Variants in ABCB1 observed in about 807,000 individuals in gnomAD.
The protein encoded by ABCB1 is ATP-dependent translocase ABCB1.
Under a neutral mutation model 142.0 loss-of-function variants are expected in ABCB1, and 69 were observed. That is an observed-to-expected ratio of 0.49 (90% CI 0.40 to 0.59). The LOEUF is 0.59. Among genes scored for constraint, ABCB1 ranks in the 20% least tolerant of loss-of-function variants. The pLI, the probability that ABCB1 is intolerant of heterozygous loss-of-function variation, is 0.00. For missense variants in ABCB1, 1,326 were observed against 1,554.7 expected (o/e 0.85, Z 2.47); for synonymous variants, 532 against 539.2 (o/e 0.99, Z 0.18).
At chr7:87,546,252 G>A (rs1048543027) in intron 14 of ABCB1, among the ~76,000 whole-genome samples, 2 of 152,180 alleles carry the variant, frequency 1.3e-5, no homozygotes, top group African/African-American at 4.8e-5. Context: ...TTAATATTAT[G>A]TAAGCCCCCA....
At chr7:87,571,235 G>A (rs1394421319) in intron 4 of ABCB1, among the ~76,000 whole-genome samples, 1 of 152,226 alleles carries the variant, frequency 6.6e-6, no homozygotes, top group Admixed American at 6.5e-5. Context: ...GAATGGGTAA[G>A]CCTGTTTTTG....
chr7:87,554,054 G>A lies in ABCB1; in HGVS notation c.828-122C>T. 3.4e-6 allele frequency: 3 copies of A among 871,134 alleles called. No individual in the cohort carries two copies. In the South Asian group the frequency reaches 4.3e-5, roughly 12 times the overall value. The allele number at this position is 871,134 out of a possible 1,614,324, so 54.0% of individuals were successfully genotyped here. A position where few individuals can be genotyped will look rare whatever the true frequency, so the allele number is the denominator to read the frequency against. On this transcript the variant is annotated intron_variant, in intron 8 of 27. Transcript: ENST00000622132. Reference sequence around the variant, plus strand: ...TGATATACATGCATTTTGTCCTGCTGCTCATACATTGACCCTATATAGTAG... The same window carrying A: ...TGATATACATGCATTTTGTCCTGCTACTCATACATTGACCCTATATAGTAG...
chr7:87,624,141 G>GA (rs775795694), intron 1 of ABCB1, among the ~76,000 whole-genome samples: 3 of 152,142 alleles, frequency 2.0e-5, no homozygotes, highest in Non-Finnish European at 4.4e-5. Flanking sequence ...TTGTGGATTT[G>GA]AAAAAATTTA....
chr7:87,668,681 G>C (rs778765881), intron 1 of ABCB1, among the ~76,000 whole-genome samples: 1 of 151,510 alleles, frequency 6.6e-6, no homozygotes. Context: ...TTGTATTTTT[G>C]TTCTCATTAT....
chr7:87,652,621 G>GAGATATATATATAT (rs374832268), intron 1 of ABCB1, among the ~76,000 whole-genome samples: 3 of 125,412 alleles, frequency 2.4e-5, no homozygotes, highest in African/African-American at 1.0e-4. Context: ...TGTGGTCACT[G>GAGATATATATATAT]ATATATATAT....
intron 1 of ABCB1, among the ~76,000 whole-genome samples, chr7:87,649,981 A>G (rs1352434221): frequency 6.6e-6 from 1 of 152,184 alleles, no homozygotes; most frequent in Non-Finnish European, 1.5e-5. Flanking sequence ...CAGTGAGTCA[A>G]TTAAATCTCT....
At position 87,531,420 on chromosome 7, in the gene ABCB1, A is replaced by G. The variant is rs772374336; in HGVS notation, c.2559T>C (p.Tyr853=). Residue 853 remains tyrosine (Y), a synonymous_variant, in exon 21 of 28, where the codon TAT becomes TAC. Coordinates refer to ENST00000622132, the MANE Select transcript of ABCB1 (RefSeq NM_001348946.2). ...LGTGIIISFI[Y]GWQLTLLLLA... is the part of the protein sequence containing the mutation. Reference sequence around the variant, plus strand: ...AGAGTAACAGTGTTAGTTGCCAACCATAGATGAAGGATATAATTATTCCTG... The same window carrying G: ...AGAGTAACAGTGTTAGTTGCCAACCGTAGATGAAGGATATAATTATTCCTG... 3.7e-5 allele frequency: 60 copies of G among 1,613,510 alleles called. No individual in the cohort carries two copies. The highest frequency in any genetic ancestry group is 8.3e-5 in the Admixed American group (5 of 59,962).
intron 8 of ABCB1, among the ~76,000 whole-genome samples, chr7:87,555,646 A>G (rs1479709805): frequency 6.6e-6 from 1 of 152,172 alleles, no homozygotes; most frequent in Non-Finnish European, 1.5e-5. Flanking sequence ...ACCCCCCAAA[A>G]TGTAAATCCT....
chr7:87,659,383 T>C (rs1431888274), intron 1 of ABCB1, among the ~76,000 whole-genome samples: 1 of 152,200 alleles, frequency 6.6e-6, no homozygotes, highest in East Asian at 1.9e-4. Context: ...TATCTCTTTA[T>C]ATAGATTTTT....
intron 1 of ABCB1, among the ~76,000 whole-genome samples, chr7:87,644,751 C>CTT (rs1300856565): frequency 6.6e-6 from 1 of 151,020 alleles, no homozygotes; most frequent in Non-Finnish European, 1.5e-5. Context: ...CTTATTCTCT[C>CTT]TGTGTATATA....
Position 87,561,263 on chromosome 7 carries a change from C to T in ABCB1, c.827G>A (p.Arg276Lys). The T allele has an allele frequency of 1.2e-6, 2 of 1,613,548 alleles. No individual in the cohort carries two copies. Among genetic ancestry groups the T allele is most frequent in the Non-Finnish European group, 1.7e-6 (2 of 1,179,776 alleles). The change falls in exon 8 of 28, where the codon AGG (arginine) becomes AAG (lysine). Residue 276 changes from arginine (R) to lysine (K), a missense_variant and splice_region_variant. Physicochemically the swap from Arg to Lys is conservative, Grantham distance 26. Transcript: ENST00000622132. Reference protein sequence around the residue: ...AFGGQKKELERYNKNLEEAKR... With the variant: ...AFGGQKKELEKYNKNLEEAKR... ...ATCCATTTAAAAAAGAAACTCAAACCTTTCAAGTTCTTTCTTTTGTCCTCC... is the reference window on the plus strand; with the variant it reads ...ATCCATTTAAAAAAGAAACTCAAACTTTTCAAGTTCTTTCTTTTGTCCTCC...
intron 1 of ABCB1, among the ~76,000 whole-genome samples, chr7:87,683,831 C>A (rs1827177811): frequency 6.6e-6 from 1 of 152,142 alleles, no homozygotes; most frequent in Non-Finnish European, 1.5e-5. Flanking sequence ...TTGACACAAA[C>A]CTTCAACGTG....
Position 87,609,753 on chromosome 7 carries a change from A to C in ABCB1, c.-330-8675T>G, listed in dbSNP as rs28381781. 3.6e-3 allele frequency among the ~76,000 whole-genome samples: 548 copies of C among 152,268 alleles called. 6 individuals carry two copies. In the East Asian group the frequency reaches 0.05, roughly 14 times the overall value. ...ATCTAGCAGAAGGGCTGTAGGTCCTAGAGTACATTTTATCTACTTGCCTTA... is the reference window on the plus strand; with the variant it reads ...ATCTAGCAGAAGGGCTGTAGGTCCTCGAGTACATTTTATCTACTTGCCTTA... On this transcript the variant is annotated intron_variant, in intron 1 of 28. Transcript: ENST00000265724.
intron 4 of ABCB1, among the ~76,000 whole-genome samples, chr7:87,575,740 C>T (rs1157906812): frequency 1.3e-5 from 2 of 152,166 alleles, no homozygotes; most frequent in African/African-American, 4.8e-5. Context: ...CCAGGAACTA[C>T]AGTCTTTTTA....
chr7:87,599,901 GAA>G (rs919386168), intron 2 of ABCB1, among the ~76,000 whole-genome samples: 6 of 152,156 alleles, frequency 3.9e-5, no homozygotes, highest in African/African-American at 1.2e-4. Flanking sequence ...ATCATTAAAA[GAA>G]AGAACAAAAA....
At chr7:87,684,385 A>C (rs889543105) in intron 1 of ABCB1, among the ~76,000 whole-genome samples, 1 of 152,224 alleles carries the variant, frequency 6.6e-6, no homozygotes, top group Admixed American at 6.5e-5. Context: ...AATTTCATGA[A>C]GGAAGAACTA....
At chr7:87,548,944 T>C (rs1184495435) in intron 14 of ABCB1, among the ~76,000 whole-genome samples, 1 of 152,172 alleles carries the variant, frequency 6.6e-6, no homozygotes, top group Non-Finnish European at 1.5e-5. Context: ...AAATTATATA[T>C]GGACCTTCAG....
At chr7:87,558,234 A>G (rs1817389753) in intron 8 of ABCB1, among the ~76,000 whole-genome samples, 1 of 152,220 alleles carries the variant, frequency 6.6e-6, no homozygotes, top group African/African-American at 2.4e-5. Flanking sequence ...TTGGACTTCA[A>G]TCCAGATCCA....
At position 87,539,310 on chromosome 7, in the gene ABCB1, G is replaced by T. The variant is rs149959129; in HGVS notation, c.2355C>A (p.Thr785=). The change falls in exon 19 of 28, where the codon ACC becomes ACA. Residue 785 remains threonine, a synonymous_variant. Transcript: ENST00000622132. ...GGAAAACCATGTATCGGAGCCGCTT[G>T]GTGAGGATCTCTCCAGCTTTGCCAA... ...FTFGKAGEIL[T]KRLRYMVFRS... The T allele has an allele frequency of 1.2e-6, 2 of 1,614,030 alleles. No individual in the cohort carries two copies. The highest frequency in any genetic ancestry group is 2.7e-5 in the African/African-American group (2 of 74,930).
Sources: gnomAD v4.1 joint callset for allele counts (sites outside exome capture counted in the v4.1 genomes callset) on GRCh38, gnomAD v4.1.1 for gene constraint, MANE v1.5 for transcripts, NCBI Gene and HGNC (gene_info 2026-07-23, HGNC 2026-07-21) for gene names.